Variants in SLC2A13 observed in about 807,000 individuals in gnomAD.
SLC2A13 encodes the protein solute carrier family 2 member 13, also known as proton myo-inositol cotransporter.
Under a neutral mutation model 64.4 loss-of-function variants are expected in SLC2A13, and 32 were observed. That is an observed-to-expected ratio of 0.50 (90% CI 0.37 to 0.67). The LOEUF is 0.67. Among genes scored for constraint, SLC2A13 ranks in the 30% least tolerant of loss-of-function variants. The probability of loss-of-function intolerance (pLI) is 0.00; values close to 1 mark genes in which losing one functional copy is unlikely to be tolerated. For missense variants in SLC2A13, 743 were observed against 829.2 expected (o/e 0.90, Z 1.28); for synonymous variants, 338 against 327.1 (o/e 1.03, Z -0.36).
At chr12:40,001,961 CA>C (rs1379925803) in intron 3 of SLC2A13, among the ~76,000 whole-genome samples, 1 of 152,134 alleles carries the variant, frequency 6.6e-6, no homozygotes, top group Non-Finnish European at 1.5e-5. Context: ...TAATACAGAG[CA>C]AAATTTAACC....
intron 1 of SLC2A13, among the ~76,000 whole-genome samples, chr12:40,050,777 T>C (rs1423963307): frequency 6.6e-6 from 1 of 152,212 alleles, no homozygotes; most frequent in African/African-American, 2.4e-5. Context: ...GGGAAGGCTC[T>C]GGAACCAGTG....
chr12:40,017,608 T>C (rs530679440), intron 3 of SLC2A13, among the ~76,000 whole-genome samples: 4 of 152,344 alleles, frequency 2.6e-5, no homozygotes, highest in Non-Finnish European at 5.9e-5. Context: ...GCCATTTTGA[T>C]AGTACAGCTG....
chr12:39,982,616 AC>A (rs1946929063), intron 3 of SLC2A13, among the ~76,000 whole-genome samples: 1 of 149,796 alleles, frequency 6.7e-6, no homozygotes, highest in African/African-American at 2.4e-5. Flanking sequence ...AATCCAACTT[AC>A]AAGGGATGTG....
intron 4 of SLC2A13, among the ~76,000 whole-genome samples, chr12:39,880,059 C>A (rs1039953902): frequency 6.6e-6 from 1 of 152,154 alleles, no homozygotes; most frequent in African/African-American, 2.4e-5. Flanking sequence ...CTCTCTCTCG[C>A]GCTTGCTCTT....
intron 4 of SLC2A13, among the ~76,000 whole-genome samples, chr12:39,890,998 A>C (rs1944591339): frequency 6.6e-6 from 1 of 152,092 alleles, no homozygotes; most frequent in South Asian, 2.1e-4. Context: ...GAATAATTTT[A>C]TTTCTTCATA....
intron 4 of SLC2A13, among the ~76,000 whole-genome samples, chr12:39,906,871 T>C (rs1322217476): frequency 1.3e-5 from 2 of 152,104 alleles, no homozygotes; most frequent in Non-Finnish European, 2.9e-5. Flanking sequence ...AAAACAATTA[T>C]GAGGGAAGAT....
At position 40,103,211 on chromosome 12, in the gene SLC2A13, T is replaced by C. The variant is rs1939201926; in HGVS notation, c.556+2042A>G. On this transcript the variant is annotated intron_variant, in intron 1 of 9. Coordinates refer to ENST00000280871, the MANE Select transcript of SLC2A13 (RefSeq NM_052885.4). ...CTCCTGCTTTGTCCTCTATTGCTGCTTCCACCTATTCCCCAAGTATGCCCT... is the reference window on the plus strand; with the variant it reads ...CTCCTGCTTTGTCCTCTATTGCTGCCTCCACCTATTCCCCAAGTATGCCCT... 3.9e-5 allele frequency among the ~76,000 whole-genome samples: 6 copies of C among 152,198 alleles called. No homozygotes were observed. In the South Asian group the frequency reaches 1.0e-3, roughly 26 times the overall value.
chr12:39,887,351 C>T (rs567668725), intron 4 of SLC2A13, among the ~76,000 whole-genome samples: 2 of 152,236 alleles, frequency 1.3e-5, no homozygotes, highest in South Asian at 2.1e-4. Flanking sequence ...GTACCCTGCC[C>T]CTTAAGGGGG....
chr12:39,841,667 T>G (rs537258166), intron 6 of SLC2A13, among the ~76,000 whole-genome samples: 1 of 152,188 alleles, frequency 6.6e-6, no homozygotes, highest in Admixed American at 6.5e-5. Context: ...AAAATCAGAT[T>G]TGCATATAAT....
intron 3 of SLC2A13, among the ~76,000 whole-genome samples, chr12:40,027,015 G>A (rs1447353490): frequency 6.6e-6 from 1 of 151,866 alleles, no homozygotes; most frequent in South Asian, 2.1e-4. Flanking sequence ...GGGAGGCGGA[G>A]GTTGCAGTGA....
At position 40,057,352 on chromosome 12, in the gene SLC2A13, A is replaced by C. The variant is rs77504654; in HGVS notation, c.557-9142T>G. 7.3e-3 allele frequency among the ~76,000 whole-genome samples: 1,112 copies of C among 152,292 alleles called. 11 individuals carry two copies. Among genetic ancestry groups the C allele is most frequent in the African/African-American group, 0.025 (1,041 of 41,568 alleles). ...GCTAAAGCTGGAAACATCCTATACA[A>C]TTTTCTGATTTGCAAGGTTAATAAA... is the stretch of plus-strand genomic sequence containing the variant. On this transcript the variant is annotated intron_variant, in intron 1 of 9. Coordinates refer to ENST00000280871, the MANE Select transcript of SLC2A13 (RefSeq NM_052885.4).
intron 1 of SLC2A13, among the ~76,000 whole-genome samples, chr12:40,089,672 G>T (rs1187596779): frequency 6.6e-6 from 1 of 152,160 alleles, no homozygotes; most frequent in Non-Finnish European, 1.5e-5. Context: ...TAAGGAGTCT[G>T]TCTCACTGTT....
rs141827640 is a variant in SLC2A13, at chr12:39,793,717, G to A, written c.1446-28859C>T. On this transcript the variant is annotated intron_variant, in intron 7 of 9. Coordinates refer to ENST00000280871, the MANE Select transcript of SLC2A13 (RefSeq NM_052885.4). ...CAAACAGAAACCGAGTCTTGGCTCT[G>A]AACAATTCTCCAGATTATTCATGCA... 4.2e-3 allele frequency among the ~76,000 whole-genome samples: 640 copies of A among 152,154 alleles called. 3 individuals carry two copies. The highest frequency in any genetic ancestry group is 0.014 in the African/African-American group (589 of 41,518).
At chr12:40,003,781 C>T (rs1248506757) in intron 3 of SLC2A13, among the ~76,000 whole-genome samples, 1 of 151,812 alleles carries the variant, frequency 6.6e-6, no homozygotes, top group Non-Finnish European at 1.5e-5. Context: ...CACAAAAATT[C>T]TACAAAATGG....
chr12:39,847,900 G>A (rs749854060), intron 6 of SLC2A13, among the ~76,000 whole-genome samples: 15 of 152,060 alleles, frequency 9.9e-5, no homozygotes, highest in Non-Finnish European at 1.5e-4. Flanking sequence ...ACTTGTGTAC[G>A]GGTTCAAAAT....
At chr12:40,102,846 G>A (rs1565628659) in intron 1 of SLC2A13, among the ~76,000 whole-genome samples, 2 of 152,138 alleles carry the variant, frequency 1.3e-5, no homozygotes, top group African/African-American at 2.4e-5. Flanking sequence ...ATGATTTTAT[G>A]TGTATAATTA....
chr12:39,964,961 T>C (rs1313105364), intron 3 of SLC2A13, among the ~76,000 whole-genome samples: 1 of 152,168 alleles, frequency 6.6e-6, no homozygotes, highest in African/African-American at 2.4e-5. Context: ...TAGATTTCTA[T>C]AGGGAAAAAA....
chr12:39,952,086 C>A (rs1372223307), intron 3 of SLC2A13, among the ~76,000 whole-genome samples: 1 of 152,072 alleles, frequency 6.6e-6, no homozygotes, highest in African/African-American at 2.4e-5. Context: ...ATACTTTGGT[C>A]TTTATCTGAA....
At chr12:39,994,083 C>T (rs566071964) in intron 3 of SLC2A13, among the ~76,000 whole-genome samples, 4 of 152,144 alleles carry the variant, frequency 2.6e-5, no homozygotes, top group Non-Finnish European at 4.4e-5. Flanking sequence ...ATCCTATCAA[C>T]TTACAGATGA....
Sources: gnomAD v4.1 joint callset for allele counts (sites outside exome capture counted in the v4.1 genomes callset) on GRCh38, gnomAD v4.1.1 for gene constraint, MANE v1.5 for transcripts, NCBI Gene and HGNC (gene_info 2026-07-23, HGNC 2026-07-21) for gene names.